Variants in ANXA13 observed in about 807,000 individuals in gnomAD.
The protein encoded by ANXA13 is annexin A13, also known as annexin XIII.
A neutral mutation model predicts 46.6 loss-of-function variants in ANXA13; 36 were observed. That is an observed-to-expected ratio of 0.77 (90% CI 0.59 to 1.02). ANXA13 has a LOEUF of 1.02. Ranked by LOEUF, ANXA13 falls within the 50% of genes least tolerant of loss-of-function variation. The probability of loss-of-function intolerance (pLI) is 0.00; values close to 1 mark genes in which losing one functional copy is unlikely to be tolerated. For missense variants in ANXA13, 417 were observed against 396.5 expected (o/e 1.05, Z -0.44); for synonymous variants, 163 against 152.9 (o/e 1.07, Z -0.49).
At chr8:123,695,857 T>C (rs988907915) in intron 4 of ANXA13, 136 bp from the exon 5 acceptor site, 34 of 738,348 alleles carry the variant, frequency 4.6e-5, no homozygotes, top group Admixed American at 7.2e-5. Flanking sequence ...GTCATCCCTA[T>C]AGGTCCAGGG....
At chr8:123,685,245 T>C (rs941657949) in intron 9 of ANXA13, among the ~76,000 whole-genome samples, 3 of 152,228 alleles carry the variant, frequency 2.0e-5, no homozygotes, top group Non-Finnish European at 4.4e-5. Flanking sequence ...CACGATCTTT[T>C]GGTTTGCAAT....
At chr8:123,735,124 A>AC (rs1814228507) in intron 1 of ANXA13, among the ~76,000 whole-genome samples, 1 of 152,012 alleles carries the variant, frequency 6.6e-6, no homozygotes, top group African/African-American at 2.4e-5. Context: ...AAAAAAAAAA[A>AC]AAAAAACAAA....
chr8:123,683,963 G>C (rs1457974898), intron 10 of ANXA13, among the ~76,000 whole-genome samples: 1 of 152,028 alleles, frequency 6.6e-6, no homozygotes, highest in African/African-American at 2.4e-5. Flanking sequence ...CACATTCTCC[G>C]AGAGCAAGCA....
chr8:123,704,204 C>T (rs528203201), intron 2 of ANXA13, among the ~76,000 whole-genome samples: 1 of 152,210 alleles, frequency 6.6e-6, no homozygotes, highest in East Asian at 1.9e-4. Flanking sequence ...GGACCACCCT[C>T]CATGAACTGC....
chr8:123,688,044 A>G (rs1378346435), intron 9 of ANXA13, among the ~76,000 whole-genome samples: 1 of 152,240 alleles, frequency 6.6e-6, no homozygotes, highest in Non-Finnish European at 1.5e-5. Flanking sequence ...CTGAAACTGG[A>G]TAACAGTCTA....
At position 123,700,932 on chromosome 8, in the gene ANXA13, C is replaced by T. The variant is rs541606624; in HGVS notation, c.186+1710G>A. Among the ~76,000 whole-genome samples, 58 of 152,220 alleles carry T rather than the reference C, an allele frequency of 3.8e-4. 1 individual carries two copies. The South Asian group carries it at 0.012, about 31-fold the overall frequency. Reference sequence around the variant, plus strand: ...CAACTTCTTGGGCTTAAGCAACCCTCCAGCCTCAGCCTCCTGAGTAGCAGG... The same window carrying T: ...CAACTTCTTGGGCTTAAGCAACCCTTCAGCCTCAGCCTCCTGAGTAGCAGG... On this transcript the variant is annotated intron_variant, in intron 3 of 10. Coordinates refer to ENST00000419625, the MANE Select transcript of ANXA13 (RefSeq NM_004306.4).
At chr8:123,686,232 G>A (rs1813137973) in intron 9 of ANXA13, among the ~76,000 whole-genome samples, 1 of 152,102 alleles carries the variant, frequency 6.6e-6, no homozygotes, top group African/African-American at 2.4e-5. Flanking sequence ...CAGCGCTTTG[G>A]GAGGCCGAGG....
intron 2 of ANXA13, among the ~76,000 whole-genome samples, chr8:123,710,431 G>A (rs543709460): frequency 1.3e-5 from 2 of 152,286 alleles, no homozygotes; most frequent in African/African-American, 2.4e-5. Context: ...GGAGATGGTC[G>A]CAAAATCCTG....
chr8:123,699,944 A>G (rs1284709446), intron 3 of ANXA13, among the ~76,000 whole-genome samples: 3 of 152,246 alleles, frequency 2.0e-5, no homozygotes, highest in African/African-American at 7.2e-5. Flanking sequence ...ACTGCCTGAC[A>G]TATTTTAAAC....
At chr8:123,698,035 A>T (rs1277484225) in intron 4 of ANXA13, among the ~76,000 whole-genome samples, 1 of 152,226 alleles carries the variant, frequency 6.6e-6, no homozygotes, top group Non-Finnish European at 1.5e-5. Context: ...GCAGTGGCAC[A>T]GGCATGCTTG....
chr8:123,697,458 C>G (rs145329658), intron 4 of ANXA13, among the ~76,000 whole-genome samples: 289 of 152,286 alleles, frequency 1.9e-3, no homozygotes, highest in Non-Finnish European at 3.4e-3. Context: ...GAAAAGAAGT[C>G]CGGGGATGCT....
chr8:123,681,411 A>T, intron 10 of ANXA13, 52 bp from the exon 11 acceptor site: 1 of 1,572,670 alleles, frequency 6.4e-7, no homozygotes, highest in East Asian at 2.2e-5. Flanking sequence ...GTGTGTTCAC[A>T]AACAGTGGGC....
At chr8:123,729,554 T>C (rs1381351674) in intron 1 of ANXA13, among the ~76,000 whole-genome samples, 2 of 152,184 alleles carry the variant, frequency 1.3e-5, no homozygotes, top group Admixed American at 6.5e-5. Flanking sequence ...AGGTATTTTT[T>C]CCCTCTATCT....
At chr8:123,713,531 G>C (rs1039423822) in intron 1 of ANXA13, among the ~76,000 whole-genome samples, 2 of 152,124 alleles carry the variant, frequency 1.3e-5, no homozygotes, top group Non-Finnish European at 2.9e-5. Context: ...AGTATTGCTT[G>C]CATAAATGGA....
chr8:123,701,855 C>T (rs866216604), intron 3 of ANXA13, among the ~76,000 whole-genome samples: 16 of 152,186 alleles, frequency 1.1e-4, no homozygotes, highest in South Asian at 1.0e-3. Flanking sequence ...GACTGATTCT[C>T]CCAGCAACCT....
chr8:123,719,983 C>T (rs1179416342), intron 1 of ANXA13, among the ~76,000 whole-genome samples: 2 of 152,018 alleles, frequency 1.3e-5, no homozygotes, highest in East Asian at 3.9e-4. Flanking sequence ...GGTGGTGGCA[C>T]GTAGGAGGTG....
chr8:123,726,562 C>G (rs1265459286), intron 1 of ANXA13, among the ~76,000 whole-genome samples: 1 of 152,204 alleles, frequency 6.6e-6, no homozygotes, highest in Non-Finnish European at 1.5e-5. Context: ...AAGGTTCCAG[C>G]CTGTGTCTTT....
At chr8:123,694,122 G>A (rs993493179) in intron 6 of ANXA13, among the ~76,000 whole-genome samples, 8 of 151,968 alleles carry the variant, frequency 5.3e-5, no homozygotes. Context: ...CACCACTCAA[G>A]GTCCCAGTCC....
chr8:123,689,159 C>T (rs747692306), intron 8 of ANXA13, among the ~76,000 whole-genome samples: 1 of 151,718 alleles, frequency 6.6e-6, no homozygotes, highest in Non-Finnish European at 1.5e-5. Context: ...CTAGATTTGA[C>T]TCCCAATGGA....
Sources: allele counts gnomAD v4.1 joint callset (sites outside exome capture counted in the v4.1 genomes callset), GRCh38; gene constraint gnomAD v4.1.1; transcripts MANE v1.5; gene names NCBI Gene and HGNC (gene_info 2026-07-23, HGNC 2026-07-21).